FGF2: variants seen among roughly 807,000 people sequenced by gnomAD.
FGF2 encodes the protein basic fibroblast growth factor bFGF.
Under a neutral mutation model 15.9 loss-of-function variants are expected in FGF2, and 13 were observed. That is an observed-to-expected ratio of 0.82 (90% CI 0.53 to 1.30). The LOEUF (loss-of-function observed/expected upper bound fraction) is 1.30, where lower values mean the gene tolerates loss of function less well. Among genes scored for constraint, FGF2 ranks in the 50% most tolerant of loss-of-function variants. The pLI, the probability that FGF2 is intolerant of heterozygous loss-of-function variation, is 0.00. For missense variants in FGF2, 163 were observed against 196.9 expected (o/e 0.83, Z 1.03); for synonymous variants, 90 against 78.4 (o/e 1.15, Z -0.78).
At chr4:122,891,242 G>A (rs1181027045) in intron 2 of FGF2, among the ~76,000 whole-genome samples, 2 of 151,360 alleles carry the variant, frequency 1.3e-5, no homozygotes, top group Admixed American at 1.3e-4. Flanking sequence ...GGGTTTCACC[G>A]TGTTAGCCAA....
rs761725675 is a variant in FGF2 at position 122,826,842 on chromosome 4, G to T, written c.-333G>T. ...GCGGCCCGGCGGGTGCCAGATTAGC[G>T]GACGCGGTGCCCGCGGTTGCAACGG... On this transcript the variant is annotated 5_prime_UTR_variant, in exon 1 of 3. Coordinates refer to ENST00000644866, the MANE Select transcript of FGF2 (RefSeq NM_001361665.2). 5 of 1,490,264 alleles carry T rather than the reference G, an allele frequency of 3.4e-6. No individual in the cohort carries two copies. The highest frequency in any genetic ancestry group is 2.1e-5 in the Admixed American group (1 of 47,182). The allele number at this position is 1,490,264 out of a possible 1,614,324, so 92.3% of individuals were successfully genotyped here.
At chr4:122,878,170 A>G (rs41537948) in intron 2 of FGF2, among the ~76,000 whole-genome samples, 21,273 of 152,212 alleles carry the variant, frequency 0.14, 1,615 homozygotes, top group Middle Eastern at 0.22. Flanking sequence ...GGGTTTTGAT[A>G]TGCTACTTCT....
Position 122,897,430 on chromosome 4 carries a change from A to T in FGF2, c.*5034A>T, listed in dbSNP as rs1727396521. 1.7e-6 allele frequency: 1 copy of T among 597,014 alleles called. No individual in the cohort carries two copies. Among genetic ancestry groups the T allele is most frequent in the Non-Finnish European group, 3.0e-6 (1 of 332,946 alleles). 37.0% of individuals were successfully genotyped at this position (597,014 alleles called of 1,614,324 possible). Reference sequence around the variant, plus strand: ...GTATGTTCCTAATGATATTATTTCTACTAATGGAATAAACTGTAATATTAG... The same window carrying T: ...GTATGTTCCTAATGATATTATTTCTTCTAATGGAATAAACTGTAATATTAG... On this transcript the variant is annotated 3_prime_UTR_variant, in exon 3 of 3. Coordinates refer to ENST00000644866, the MANE Select transcript of FGF2 (RefSeq NM_001361665.2).
intron 1 of FGF2, among the ~76,000 whole-genome samples, chr4:122,861,747 C>G (rs45450895): frequency 0.019 from 2,918 of 152,138 alleles, 105 homozygotes; most frequent in African/African-American, 0.067. Context: ...CCCCATACCC[C>G]CTTCCACAAC....
intron 1 of FGF2, among the ~76,000 whole-genome samples, chr4:122,867,090 A>G (rs1296824593): frequency 1.3e-5 from 2 of 152,240 alleles, no homozygotes; most frequent in Non-Finnish European, 2.9e-5. Flanking sequence ...TTTATATGAA[A>G]TGTCCAGAAT....
chr4:122,892,082 C>T, intron 2 of FGF2, 129 bp from the exon 3 acceptor site: 2 of 808,220 alleles, frequency 2.5e-6, no homozygotes, highest in South Asian at 1.8e-5. Context: ...AGTTTGATTG[C>T]CCTGCTGAAC....
intron 2 of FGF2, chr4:122,884,848 C>T (rs1727026242): frequency 1.3e-5 from 2 of 152,266 alleles, no homozygotes; most frequent in Admixed American, 1.3e-4. Context: ...GAACTTGGCT[C>T]ATGTGCTTAT....
chr4:122,827,399 C>T lies in FGF2; in HGVS notation c.178+47C>T, dbSNP rs1725665720. The T allele has an allele frequency of 1.3e-6, 2 of 1,593,076 alleles. No homozygotes were observed. The highest frequency in any genetic ancestry group is 2.7e-5 in the African/African-American group (2 of 74,450). On this transcript the variant is annotated intron_variant, in intron 1 of 2. Transcript: ENST00000644866. The surrounding 1 kb of genome is among the most constrained non-coding windows in gnomAD (Gnocchi z 4.2). ...CCGCCTCATTTCCATTTCGTGGGTT[C>T]TCGCCCGCTCTCTCCCCTCCAGCCT... is the stretch of plus-strand genomic sequence containing the variant.
At chr4:122,876,658 G>A (rs1726854587) in intron 2 of FGF2, among the ~76,000 whole-genome samples, 3 of 152,106 alleles carry the variant, frequency 2.0e-5, no homozygotes, top group African/African-American at 7.2e-5. Flanking sequence ...TTGGGCTGGA[G>A]GCATTCCTGA....
intron 1 of FGF2, among the ~76,000 whole-genome samples, chr4:122,849,405 A>G (rs934976623): frequency 6.6e-6 from 1 of 152,102 alleles, no homozygotes; most frequent in African/African-American, 2.4e-5. Flanking sequence ...GAACAATGAG[A>G]ACACATGGAC....
At chr4:122,890,134 GAAGATGA>G (rs1163024368) in intron 2 of FGF2, 1 of 152,134 alleles carries the variant, frequency 6.6e-6, no homozygotes, top group Non-Finnish European at 1.5e-5. Context: ...CAGTGGCAAT[GAAGATGA>G]CAGAATAAAG....
intron 1 of FGF2, among the ~76,000 whole-genome samples, chr4:122,843,310 A>C (rs2150767173): frequency 1.3e-5 from 2 of 152,368 alleles, no homozygotes; most frequent in South Asian, 4.1e-4. Flanking sequence ...CAGGTCTGGC[A>C]TGTTTTGGGA....
chr4:122,865,016 A>G (rs1485710715), intron 1 of FGF2, among the ~76,000 whole-genome samples: 1 of 152,086 alleles, frequency 6.6e-6, no homozygotes, highest in African/African-American at 2.4e-5. Context: ...ATAATTGGTA[A>G]CCCTTTGGGA....
intron 1 of FGF2, among the ~76,000 whole-genome samples, chr4:122,874,362 G>A (rs1485809226): frequency 2.6e-5 from 4 of 151,966 alleles, no homozygotes; most frequent in Non-Finnish European, 4.4e-5. Flanking sequence ...CTTTTACTTC[G>A]TATTATCTTT....
At chr4:122,861,225 C>T (rs2150776266) in intron 1 of FGF2, among the ~76,000 whole-genome samples, 2 of 152,314 alleles carry the variant, frequency 1.3e-5, no homozygotes, top group Admixed American at 1.3e-4. Context: ...CCAAGGCAGC[C>T]ACTGTTAGCT....
At chr4:122,863,965 A>G (rs1018105717) in intron 1 of FGF2, among the ~76,000 whole-genome samples, 2 of 148,098 alleles carry the variant, frequency 1.4e-5, no homozygotes, top group African/African-American at 5.3e-5. Context: ...ACTCGAAGTC[A>G]ATTGTTGAAA....
chr4:122,880,396 G>A (rs1049030287), intron 2 of FGF2, among the ~76,000 whole-genome samples: 3 of 151,898 alleles, frequency 2.0e-5, no homozygotes, highest in Non-Finnish European at 4.4e-5. Flanking sequence ...ATAGGCACCC[G>A]CCACCATGCC....
In FGF2 at chr4:122,894,721, G is replaced by A. The variant is rs937253872; in HGVS notation, c.*2325G>A. 2.6e-5 allele frequency: 4 copies of A among 152,046 alleles called. No individual in the cohort carries two copies. Among genetic ancestry groups the A allele is most frequent in the Non-Finnish European group, 4.4e-5 (3 of 67,994 alleles). The allele number at this position is 152,046 out of a possible 1,614,324, so 9.4% of individuals were successfully genotyped here. A position where few individuals can be genotyped will look rare whatever the true frequency, so the allele number is the denominator to read the frequency against. ...AAAATATCCCCTAACATGTTTAAAT[G>A]TCCATTTTTATTCATTATGCTTTGA... On this transcript the variant is annotated 3_prime_UTR_variant, in exon 3 of 3. Transcript: ENST00000644866.
Position 122,893,002 on chromosome 4 carries a change from A to G in FGF2, c.*606A>G. The G allele has an allele frequency of 6.2e-7, 1 of 1,614,100 alleles. No individual in the cohort carries two copies. The highest frequency in any genetic ancestry group is 1.1e-5 in the South Asian group (1 of 91,076). On this transcript the variant is annotated 3_prime_UTR_variant, in exon 3 of 3. Transcript: ENST00000644866. ...CAACTCTGCTGGTGATGGGAGTTGT[A>G]TTTTCAGTCTTCGCCAGGTCATTGA... is the stretch of plus-strand genomic sequence containing the variant.
Sources: gnomAD v4.1 joint callset for allele counts (sites outside exome capture counted in the v4.1 genomes callset) on GRCh38, gnomAD v4.1.1 for gene constraint, Gnocchi (gnomAD v3.1) non-coding constraint, MANE v1.5 for transcripts, NCBI Gene and HGNC (gene_info 2026-07-23, HGNC 2026-07-21) for gene names.